NLGN1: variants seen among roughly 807,000 people sequenced by gnomAD.
The protein encoded by NLGN1 is neuroligin 1.
Under a neutral mutation model 65.5 loss-of-function variants are expected in NLGN1, and 12 were observed. That is an observed-to-expected ratio of 0.18 (90% CI 0.12 to 0.30). The LOEUF (loss-of-function observed/expected upper bound fraction) is 0.30. NLGN1 is among the 10% of genes least tolerant of loss of function. NLGN1 has a pLI of 1.00. For synonymous variants in NLGN1, 350 were observed against 359.5 expected (o/e 0.97, Z 0.30); for missense variants, 750 against 1,007.1 (o/e 0.74, Z 3.46).
chr3:173,891,772 C>T (rs77409646), intron 4 of NLGN1, among the ~76,000 whole-genome samples: 1,713 of 152,232 alleles, frequency 0.011, 36 homozygotes, highest in African/African-American at 0.036. Context: ...TTCTCATACC[C>T]GGTGTTCAAA....
At chr3:173,870,895 C>G (rs868433339) in intron 4 of NLGN1, among the ~76,000 whole-genome samples, 5 of 152,156 alleles carry the variant, frequency 3.3e-5, no homozygotes, top group Non-Finnish European at 7.4e-5. Flanking sequence ...CACAGAACTC[C>G]TAATACCTTA....
chr3:173,714,334 G>C (rs987503426), intron 3 of NLGN1, among the ~76,000 whole-genome samples: 10 of 152,064 alleles, frequency 6.6e-5, no homozygotes, highest in African/African-American at 2.4e-4. Context: ...AAAAGTCTTT[G>C]GAGGGTTAAT....
intron 3 of NLGN1, among the ~76,000 whole-genome samples, chr3:173,708,405 C>T (rs987275245): frequency 6.6e-6 from 1 of 152,096 alleles, no homozygotes; most frequent in Admixed American, 6.6e-5. Flanking sequence ...TCTAGGTAGT[C>T]ATACTTCTAA....
At chr3:173,559,942 CTTT>C (rs35745476) in intron 2 of NLGN1, among the ~76,000 whole-genome samples, 3 of 108,356 alleles carry the variant, frequency 2.8e-5, no homozygotes, top group African/African-American at 7.4e-5. Flanking sequence ...TCTAGATACA[CTTT>C]TTTTTTTTTT....
At chr3:174,176,606 G>A (rs2152741596) in intron 4 of NLGN1, among the ~76,000 whole-genome samples, 1 of 151,600 alleles carries the variant, frequency 6.6e-6, no homozygotes, top group South Asian at 2.1e-4. Context: ...TGTTTTTCTA[G>A]AAGGATGTAA....
At chr3:174,137,702 AT>A (rs1413793125) in intron 4 of NLGN1, among the ~76,000 whole-genome samples, 1 of 152,206 alleles carries the variant, frequency 6.6e-6, no homozygotes, top group Non-Finnish European at 1.5e-5. Flanking sequence ...AGCCATATTA[AT>A]TTTGATATGT....
At chr3:174,043,869 A>C (rs1732917244) in intron 4 of NLGN1, among the ~76,000 whole-genome samples, 1 of 152,086 alleles carries the variant, frequency 6.6e-6, no homozygotes, top group Non-Finnish European at 1.5e-5. Context: ...TCCCTTATGC[A>C]CTGCCCTGGC....
At chr3:173,427,008 A>G (rs76247829) in intron 1 of NLGN1, among the ~76,000 whole-genome samples, 3,574 of 152,094 alleles carry the variant, frequency 0.023, 60 homozygotes, top group Non-Finnish European at 0.037. Context: ...TCATTACTTA[A>G]TGGGCTGTCC....
chr3:173,745,231 A>T (rs1775190572), intron 3 of NLGN1, among the ~76,000 whole-genome samples: 1 of 152,048 alleles, frequency 6.6e-6, no homozygotes, highest in African/African-American at 2.4e-5. Context: ...TACAGATTGA[A>T]TGAAGAAAAA....
intron 4 of NLGN1, among the ~76,000 whole-genome samples, chr3:174,149,282 T>C (rs149854099): frequency 6.6e-6 from 1 of 152,256 alleles, no homozygotes; most frequent in East Asian, 1.9e-4. Flanking sequence ...AAGCTAACAA[T>C]ACTATCTACC....
exon 7 of NLGN1, chr3:174,286,153 TAATATA>T (rs1752090356): frequency 6.6e-6 from 1 of 151,410 alleles, no homozygotes. Context: ...GTACACCACA[TAATATA>T]TATACCCTAT....
intron 4 of NLGN1, among the ~76,000 whole-genome samples, chr3:174,245,000 C>G (rs1743540166): frequency 6.6e-6 from 1 of 152,074 alleles, no homozygotes; most frequent in Non-Finnish European, 1.5e-5. Context: ...TGTCTGACAT[C>G]TTGTATTTAT....
At chr3:173,771,162 A>C (rs1220298642) in intron 3 of NLGN1, among the ~76,000 whole-genome samples, 2 of 152,092 alleles carry the variant, frequency 1.3e-5, no homozygotes, top group Admixed American at 6.5e-5. Context: ...TTACTTCTAA[A>C]TCATTTATTT....
intron 4 of NLGN1, among the ~76,000 whole-genome samples, chr3:173,835,580 T>C (rs62292076): frequency 1.5e-4 from 22 of 146,486 alleles, no homozygotes; most frequent in African/African-American, 2.3e-4. Context: ...TTCAAACACA[T>C]ACACACACAC....
chr3:173,739,448 G>A (rs1774288906), intron 3 of NLGN1, among the ~76,000 whole-genome samples: 1 of 152,014 alleles, frequency 6.6e-6, no homozygotes, highest in Non-Finnish European at 1.5e-5. Context: ...ATCCTCTTCT[G>A]GAAAACAAAA....
chr3:173,789,745 A>T (rs1238270290), intron 3 of NLGN1: 2 of 435,262 alleles, frequency 4.6e-6, no homozygotes, highest in Middle Eastern at 3.3e-4. Context: ...CAATCTGGGC[A>T]TAATGTACGG....
At chr3:173,889,891 T>C (rs1735020212) in intron 4 of NLGN1, among the ~76,000 whole-genome samples, 1 of 152,138 alleles carries the variant, frequency 6.6e-6, no homozygotes, top group African/African-American at 2.4e-5. Flanking sequence ...GTTTAAATTC[T>C]TCAAGCTTAC....
rs182337543 is a variant in NLGN1, at chr3:173,492,406, A to G, written c.-321+57328A>G. Among the ~76,000 whole-genome samples the G allele has an allele frequency of 1.4e-3, 209 of 151,944 alleles. 8 individuals are homozygous for G. The highest frequency in any genetic ancestry group is 4.7e-3 in the African/African-American group (195 of 41,280). ...CATTTATGGTTAGGGTTCTAGGCAT[A>G]TTAATTGGTACATGCACAATACTGC... is the stretch of plus-strand genomic sequence containing the variant. On this transcript the variant is annotated intron_variant, in intron 2 of 6. Transcript: ENST00000457714.
At chr3:174,156,098 A>G (rs985558250) in intron 4 of NLGN1, among the ~76,000 whole-genome samples, 14 of 152,000 alleles carry the variant, frequency 9.2e-5, no homozygotes, top group African/African-American at 3.4e-4. Context: ...GCAGTGGTAC[A>G]GGTCTTGGTA....
Sources: allele counts gnomAD v4.1 joint callset (sites outside exome capture counted in the v4.1 genomes callset), GRCh38; gene constraint gnomAD v4.1.1; transcripts MANE v1.5; gene names NCBI Gene and HGNC (gene_info 2026-07-23, HGNC 2026-07-21).